Variants in SOS1 observed in about 807,000 individuals in gnomAD.
SOS1 encodes son of sevenless homolog 1.
A neutral mutation model predicts 157.6 loss-of-function variants in SOS1; 25 were observed. That is an observed-to-expected ratio of 0.16 (90% CI 0.12 to 0.22). SOS1 has a LOEUF of 0.22. Ranked by LOEUF, SOS1 falls within the 10% of genes least tolerant of loss-of-function variation. SOS1 has a pLI of 1.00. For missense variants in SOS1, 1,237 were observed against 1,599.1 expected, an observed-to-expected ratio of 0.77 and a Z score of 3.86; for synonymous variants, 528 against 534.0, an observed-to-expected ratio of 0.99 and a Z score of 0.16.
chr2:39,074,854 CA>C (rs779388686), intron 1 of SOS1, among the ~76,000 whole-genome samples: 1 of 118,298 alleles, frequency 8.5e-6, no homozygotes, highest in Non-Finnish European at 1.7e-5. Flanking sequence ...GCAACAAGAG[CA>C]AAAGTCTGCC....
intron 1 of SOS1, among the ~76,000 whole-genome samples, chr2:39,075,368 T>C (rs1051044301): frequency 6.6e-5 from 10 of 152,224 alleles, no homozygotes; most frequent in African/African-American, 2.2e-4. Flanking sequence ...GTTTGACATA[T>C]GAATTTAAGG....
At chr2:39,122,447 TACAC>T (rs70954783), upstream of SOS1, among the ~76,000 whole-genome samples, 6,677 of 141,618 alleles carry the variant, frequency 0.047, 366 homozygotes, top group African/African-American at 0.13. Flanking sequence ...AAAAAAAATA[TACAC>T]ACACACACAC....
chr2:39,106,417 C>A (rs1031104554), intron 1 of SOS1, among the ~76,000 whole-genome samples: 1 of 151,328 alleles, frequency 6.6e-6, no homozygotes, highest in African/African-American at 2.4e-5. Context: ...GGTGAAACCC[C>A]GTCTCTACTA....
In SOS1 at chr2:39,051,323, G is replaced by GT. The variant is rs773229432; in HGVS notation, c.721-37dup. The GT allele has an allele frequency of 3.2e-6, 5 of 1,583,162 alleles. No individual in the cohort carries two copies. The African/African-American group carries it at 6.8e-5, about 21-fold the overall frequency. On this transcript the variant is annotated intron_variant, in intron 5 of 22. Transcript: ENST00000402219. ...GAAAACACATTAATTCAGTGAGGCT[G>GT]TATTATTATAATATTAAACAAATTT...
intron 6 of SOS1, among the ~76,000 whole-genome samples, chr2:39,041,523 T>C (rs900193728): frequency 6.6e-6 from 1 of 152,266 alleles, no homozygotes; most frequent in East Asian, 1.9e-4. Flanking sequence ...ACACAGTTTT[T>C]AATTTTGAAG....
rs557113169 is a variant in SOS1, at chr2:39,096,833, C to A, written c.87+23503G>T. ...CCCAGGAGGTGGAGCTTGCAGTGAG[C>A]CGAGATCGCGCCACTGCACTACAGC... On this transcript the variant is annotated intron_variant, in intron 1 of 22. Coordinates refer to ENST00000402219, the MANE Select transcript of SOS1 (RefSeq NM_005633.4). 1.8e-4 allele frequency among the ~76,000 whole-genome samples: 28 copies of A among 151,954 alleles called. 1 individual carries two copies. The highest frequency in any genetic ancestry group is 5.6e-4 in the African/African-American group (23 of 41,410).
intron 21 of SOS1, 79 bp downstream of exon 21, chr2:38,989,191 T>TTA: frequency 1.0e-6 from 1 of 980,810 alleles, no homozygotes; most frequent in Non-Finnish European, 1.6e-6. Flanking sequence ...CCAAGAAGAG[T>TTA]TTTAGCAGGA....
At chr2:39,010,473 G>T in intron 15 of SOS1, 111 bp downstream of exon 15, 1 of 972,674 alleles carries the variant, frequency 1.0e-6, no homozygotes, top group Non-Finnish European at 1.6e-6. Flanking sequence ...CTGCACTCCA[G>T]CCTATGTGAC....
intron 13 of SOS1, 57 bp downstream of exon 13, chr2:39,013,403 C>T: frequency 2.1e-6 from 2 of 955,486 alleles, no homozygotes; most frequent in Non-Finnish European, 3.4e-6. Flanking sequence ...AATTGATAGT[C>T]ACCGTGTTGG....
chr2:39,033,436 TGAA>T (rs1231765446), intron 8 of SOS1, among the ~76,000 whole-genome samples: 1 of 152,216 alleles, frequency 6.6e-6, no homozygotes, highest in Admixed American at 6.5e-5. Flanking sequence ...TGCCTACACT[TGAA>T]GGAGTAAAAA....
At chr2:39,057,314 C>T (rs1263278662) in intron 3 of SOS1, among the ~76,000 whole-genome samples, 1 of 152,088 alleles carries the variant, frequency 6.6e-6, no homozygotes, top group East Asian at 1.9e-4. Flanking sequence ...AAGATGAGCT[C>T]CCCAAAACCA....
chr2:39,104,574 G>T (rs1448370728), intron 1 of SOS1, among the ~76,000 whole-genome samples: 1 of 152,142 alleles, frequency 6.6e-6, no homozygotes, highest in Non-Finnish European at 1.5e-5. Flanking sequence ...TAACCACAGC[G>T]AATTACAAAA....
intron 1 of SOS1, among the ~76,000 whole-genome samples, chr2:39,081,468 C>T (rs921067749): frequency 1.1e-4 from 16 of 143,374 alleles, no homozygotes; most frequent in Non-Finnish European, 2.1e-4. Flanking sequence ...TGCAGTGAGC[C>T]GAGATCGCGC....
At position 39,022,894 on chromosome 2, in the gene SOS1, G is replaced by A; in HGVS notation, c.1534C>T (p.His512Tyr). Reference protein sequence around the residue: ...NDKDDTNEYKHAFEIILKDEN... With the variant: ...NDKDDTNEYKYAFEIILKDEN... ...TCTTTTAAAATTATTTCAAAAGCAT[G>A]CTTGTATTCATTGGTGTCATCTTTA... is the stretch of plus-strand genomic sequence containing the variant. The change falls in exon 10 of 23, where the codon CAT becomes TAT. Residue 512 changes from histidine (H) to tyrosine (Y), a missense_variant. Physicochemically the swap from His to Tyr is moderately conservative, Grantham distance 83 (BLOSUM62 2). This residue lies in a region of SOS1 where 210 missense variants were observed against 220.2 expected (regional missense o/e 0.95). Coordinates refer to ENST00000402219, the MANE Select transcript of SOS1 (RefSeq NM_005633.4). The A allele has an allele frequency of 6.2e-7, 1 of 1,610,960 alleles. No homozygotes were observed. Among genetic ancestry groups the A allele is most frequent in the Non-Finnish European group, 8.5e-7 (1 of 1,177,454 alleles).
Position 39,104,718 on chromosome 2 carries a change from G to C in SOS1, c.87+15618C>G, listed in dbSNP as rs545954764. Among the ~76,000 whole-genome samples, 7 of 152,284 alleles carry C rather than the reference G, an allele frequency of 4.6e-5. No individual in the cohort carries two copies. In the South Asian group the frequency reaches 1.4e-3, roughly 32 times the overall value. ...GGTGCAAAATGTCCACCTGAATAGA[G>C]TATTACTGAGCATTAAAAAGGAATG... On this transcript the variant is annotated intron_variant, in intron 1 of 22. Transcript: ENST00000402219.
At chr2:39,085,098 T>G (rs2148177303) in intron 1 of SOS1, among the ~76,000 whole-genome samples, 1 of 152,332 alleles carries the variant, frequency 6.6e-6, no homozygotes, top group East Asian at 1.9e-4. Context: ...GAGGTTGGAC[T>G]GCAGTGTCGT....
chr2:39,078,153 A>G (rs1672079885), intron 1 of SOS1, among the ~76,000 whole-genome samples: 1 of 152,206 alleles, frequency 6.6e-6, no homozygotes, highest in Non-Finnish European at 1.5e-5. Context: ...CTGCCCCATA[A>G]ATATTAGAAA....
chr2:39,085,867 T>C (rs1672349724), intron 1 of SOS1, among the ~76,000 whole-genome samples: 1 of 152,196 alleles, frequency 6.6e-6, no homozygotes, highest in African/African-American at 2.4e-5. Context: ...TCAAGGAGCT[T>C]AGAAGTACAA....
intron 1 of SOS1, among the ~76,000 whole-genome samples, chr2:39,092,634 T>C (rs914499269): frequency 6.6e-6 from 1 of 152,236 alleles, no homozygotes. Flanking sequence ...TTTCTCCTGG[T>C]ATCTAGAACA....
Sources: allele counts gnomAD v4.1 joint callset (sites outside exome capture counted in the v4.1 genomes callset), GRCh38; gene constraint gnomAD v4.1.1; regional missense constraint gnomAD v4.1.1; transcripts MANE v1.5; gene names NCBI Gene and HGNC (gene_info 2026-07-23, HGNC 2026-07-21).